Variants in LRTM3 observed in about 807,000 individuals in gnomAD.
LRTM3 encodes leucine-rich repeat transmembrane protein 3.
chr13:102,740,197 C>T, the LRTM3 span: 8 of 1,548,670 alleles, frequency 5.2e-6, no homozygotes, highest in Non-Finnish European at 7.0e-6. Flanking sequence ...AGACCTGTAC[C>T]CCATCTGATG....
At chr13:102,754,951 C>T in the LRTM3 span, among the ~76,000 whole-genome samples, 1 of 152,208 alleles carries the variant, frequency 6.6e-6, no homozygotes. Context: ...ACCAACCAGT[C>T]AGTGACAAGT....
At chr13:102,758,802 A>T in the LRTM3 span, 7 of 1,550,414 alleles carry the variant, frequency 4.5e-6, no homozygotes, top group South Asian at 7.1e-5. Context: ...TCCTAGTAAA[A>T]TTATAAAGAA....
At chr13:102,741,599 C>T in the LRTM3 span, 3 of 1,550,232 alleles carry the variant, frequency 1.9e-6, no homozygotes, top group Admixed American at 5.9e-5. Flanking sequence ...GGCCATAGAC[C>T]CCAGGTTTGT....
At chr13:102,743,953 T>A in the LRTM3 span, 4 of 1,550,536 alleles carry the variant, frequency 2.6e-6, no homozygotes, top group East Asian at 9.8e-5. Context: ...CCTTTTCCTC[T>A]GTAATATGAC....
chr13:102,747,929 C>A, the LRTM3 span: 2 of 1,551,268 alleles, frequency 1.3e-6, no homozygotes, highest in Non-Finnish European at 1.7e-6. Context: ...GAACCTGAAG[C>A]CTTGTGTCAG....
chr13:102,732,518 T>C, the LRTM3 span: 3 of 1,551,264 alleles, frequency 1.9e-6, no homozygotes, highest in Non-Finnish European at 2.6e-6. Flanking sequence ...ATCCAGAACA[T>C]TTCTTTGAAA....
chr13:102,745,033 A>G, the LRTM3 span: 3 of 1,550,868 alleles, frequency 1.9e-6, no homozygotes, highest in Non-Finnish European at 2.6e-6. Context: ...ATATTGTGCC[A>G]TTTTGGGTCT....
At chr13:102,734,284 C>T in the LRTM3 span, 1 of 1,551,376 alleles carries the variant, frequency 6.4e-7, no homozygotes, top group South Asian at 1.2e-5. Context: ...CTGCTGTTTT[C>T]TCTGTATCTG....
chr13:102,745,859 G>A, the LRTM3 span: 2 of 1,551,106 alleles, frequency 1.3e-6, no homozygotes, highest in Middle Eastern at 1.7e-4. Context: ...GCATGAAGTA[G>A]ACTTCAAAAT....
chr13:102,732,137 C>G, the LRTM3 span: 1 of 1,551,296 alleles, frequency 6.4e-7, no homozygotes, highest in Non-Finnish European at 8.7e-7. Flanking sequence ...TAAAGTGTCT[C>G]TCTTAGACAT....
the LRTM3 span, chr13:102,741,527 A>C: frequency 1.9e-6 from 3 of 1,549,910 alleles, no homozygotes; most frequent in Non-Finnish European, 2.6e-6. Context: ...GTTAATGTAC[A>C]CATCTTCTTC....
the LRTM3 span, chr13:102,733,658 G>T: frequency 1.9e-6 from 3 of 1,551,276 alleles, no homozygotes; most frequent in Non-Finnish European, 2.6e-6. Context: ...CTTTTTCCCT[G>T]TAAAGAGCCA....
the LRTM3 span, chr13:102,758,512 A>G: frequency 3.9e-6 from 6 of 1,539,400 alleles, no homozygotes; most frequent in South Asian, 7.3e-5. Flanking sequence ...AACAAGTTTT[A>G]TATTAAAATG....
At chr13:102,750,239 C>G in the LRTM3 span, 2 of 1,551,268 alleles carry the variant, frequency 1.3e-6, no homozygotes, top group Non-Finnish European at 1.7e-6. Flanking sequence ...TGGCACATGA[C>G]TTTCACTAGA....
the LRTM3 span, chr13:102,735,177 T>C: frequency 6.4e-7 from 1 of 1,551,356 alleles, no homozygotes; most frequent in Non-Finnish European, 8.7e-7. Flanking sequence ...TCACTGAAAC[T>C]GTGCGTATGT....
chr13:102,749,546 T>C, the LRTM3 span: 2 of 1,551,414 alleles, frequency 1.3e-6, no homozygotes, highest in Non-Finnish European at 1.7e-6. Context: ...CTCCAGGCCC[T>C]TTACTGAATA....
the LRTM3 span, chr13:102,739,295 TCTA>T: frequency 1.3e-6 from 2 of 1,549,586 alleles, no homozygotes; most frequent in African/African-American, 2.7e-5. Flanking sequence ...ATCTTTCACA[TCTA>T]CTATATTTTC....
At chr13:102,755,847 T>C in the LRTM3 span, among the ~76,000 whole-genome samples, 4 of 149,688 alleles carry the variant, frequency 2.7e-5, no homozygotes, top group Admixed American at 2.0e-4. Context: ...AAAAATACTA[T>C]GTTCATAGTT....
At chr13:102,738,535 C>A in the LRTM3 span, 2 of 1,550,772 alleles carry the variant, frequency 1.3e-6, no homozygotes, top group Middle Eastern at 1.7e-4. Context: ...TTGATGATTT[C>A]ATTTTCTTCA....
Sources: gnomAD v4.1 joint callset for allele counts (sites outside exome capture counted in the v4.1 genomes callset) on GRCh38, gnomAD v4.1.1 for gene constraint, MANE v1.5 for transcripts, NCBI Gene and HGNC (gene_info 2026-07-23, HGNC 2026-07-21) for gene names.